Variants in PPP1R16B observed in about 807,000 individuals in gnomAD.
The protein encoded by PPP1R16B is protein phosphatase 1 regulatory inhibitor subunit 16B.
In PPP1R16B, 14 loss-of-function variants were observed where a neutral mutation model predicts 61.7. The observed-to-expected ratio is 0.23, with a 90% CI of 0.15 to 0.35. The LOEUF is 0.35. PPP1R16B is among the 10% of genes least tolerant of loss of function. The pLI is 1.00. For missense variants in PPP1R16B, 547 were observed against 752.5 expected (o/e 0.73, Z 3.19); for synonymous variants, 266 against 305.3 (o/e 0.87, Z 1.34).
In PPP1R16B at chr20:38,918,569, A is replaced by G; in HGVS notation, c.1607A>G (p.Tyr536Cys). ...TACAGCAGCAATGGGACCTCGGTAT[A>G]TTACACGGTCACCAGCGGAGATCCC... ...SPYSSNGTSV[Y>C]YTVTSGDPPL... Residue 536 changes from tyrosine to cysteine, a missense_variant, in exon 11 of 11, where the codon TAT (tyrosine) becomes TGT (cysteine). Tyr to Cys is a radical substitution (Grantham distance 194). Transcript: ENST00000299824. The surrounding 1 kb of genome is among the most constrained non-coding windows in gnomAD (Gnocchi z 5.3). 6.5e-7 allele frequency: 1 copy of G among 1,548,048 alleles called. No homozygotes were observed. The highest frequency in any genetic ancestry group is 8.7e-7 in the Non-Finnish European group (1 of 1,147,558).
chr20:38,840,627 G>A (rs2084903630), intron 2 of PPP1R16B, among the ~76,000 whole-genome samples: 1 of 152,182 alleles, frequency 6.6e-6, no homozygotes, highest in Non-Finnish European at 1.5e-5. Context: ...TGATCTCTGG[G>A]GAGCCATCTG....
At chr20:38,890,906 G>A (rs1020292086) in intron 3 of PPP1R16B, among the ~76,000 whole-genome samples, 1 of 152,168 alleles carries the variant, frequency 6.6e-6, no homozygotes, top group African/African-American at 2.4e-5. Flanking sequence ...GTAAGCCCCA[G>A]GGGCAGGTCC....
Position 38,895,546 on chromosome 20 carries a change from GC to G in PPP1R16B, c.322-17del, listed in dbSNP as rs771589707. The G allele has an allele frequency of 1.2e-6, 2 of 1,612,370 alleles. No individual in the cohort carries two copies. Among genetic ancestry groups the G allele is most frequent in the African/African-American group, 2.7e-5 (2 of 74,888 alleles). On this transcript the variant is annotated intron_variant, in intron 3 of 10. Coordinates refer to ENST00000299824, the MANE Select transcript of PPP1R16B (RefSeq NM_015568.4). ...CAGTGCCCTGCCTGGAGCTGACTCTGCCTGTGTGTCTCTCCCAGTGCTGCAT... is the reference window on the plus strand; with the variant it reads ...CAGTGCCCTGCCTGGAGCTGACTCTGCTGTGTGTCTCTCCCAGTGCTGCAT...
rs1186057562 is a variant in PPP1R16B, at chr20:38,895,860, T to TC, written c.467+150_467+151insC. On this transcript the variant is annotated intron_variant, in intron 4 of 10. Coordinates refer to ENST00000299824, the MANE Select transcript of PPP1R16B (RefSeq NM_015568.4). ...TCCTCCCTTCCTCCTTCCTTCTTTC[T>TC]TCCCTCCCTCCCTCCTTCCTTCTTT... The TC allele has an allele frequency of 1.2e-3, 810 of 653,398 alleles. 8 individuals carry two copies. Among genetic ancestry groups the TC allele is most frequent in the Middle Eastern group, 4.9e-3 (10 of 2,056 alleles). 40.5% of individuals were successfully genotyped at this position (653,398 alleles called of 1,614,324 possible). A position where few individuals can be genotyped will look rare whatever the true frequency, so the allele number is the denominator to read the frequency against.
intron 2 of PPP1R16B, among the ~76,000 whole-genome samples, chr20:38,873,290 G>T (rs2085142631): frequency 6.6e-6 from 1 of 152,154 alleles, no homozygotes; most frequent in African/African-American, 2.4e-5. Flanking sequence ...TGAGGGGGAG[G>T]TTGGGTTCTG....
chr20:38,865,683 G>A (rs75666262), intron 2 of PPP1R16B, among the ~76,000 whole-genome samples: 9,282 of 152,254 alleles, frequency 0.061, 294 homozygotes, highest in Non-Finnish European at 0.063. Flanking sequence ...CAGAGGTGCC[G>A]AGGGGTTGTC....
chr20:38,820,523 A>T (rs1601234604), intron 1 of PPP1R16B, among the ~76,000 whole-genome samples: 1 of 151,432 alleles, frequency 6.6e-6, no homozygotes, highest in Non-Finnish European at 1.5e-5. Context: ...GTGCCATTGC[A>T]CTCCAGCCTG....
At chr20:38,840,833 G>A (rs552945224) in intron 2 of PPP1R16B, among the ~76,000 whole-genome samples, 5 of 152,260 alleles carry the variant, frequency 3.3e-5, no homozygotes, top group East Asian at 3.9e-4. Flanking sequence ...TCTCCCCATC[G>A]GTAAAAATGA....
In PPP1R16B at chr20:38,870,331, A is replaced by G. The variant is rs550112805; in HGVS notation, c.251-19264A>G. Reference sequence around the variant, plus strand: ...CCTGTCCTTGTAGGGTTTATAAACTATAGGGGGAAACTACAAGTCCACATA... The same window carrying G: ...CCTGTCCTTGTAGGGTTTATAAACTGTAGGGGGAAACTACAAGTCCACATA... On this transcript the variant is annotated intron_variant, in intron 2 of 10. Coordinates refer to ENST00000299824, the MANE Select transcript of PPP1R16B (RefSeq NM_015568.4). 2.6e-5 allele frequency among the ~76,000 whole-genome samples: 4 copies of G among 152,290 alleles called. 1 individual carries two copies. The South Asian group carries it at 8.3e-4, about 32-fold the overall frequency.
chr20:38,885,631 C>T (rs369046104), intron 2 of PPP1R16B, among the ~76,000 whole-genome samples: 36 of 152,326 alleles, frequency 2.4e-4, no homozygotes, highest in East Asian at 1.5e-3. Flanking sequence ...AATTTGGCCA[C>T]ATGTGACTAA....
intron 1 of PPP1R16B, among the ~76,000 whole-genome samples, chr20:38,833,125 G>T (rs1305963500): frequency 6.6e-6 from 1 of 152,192 alleles, no homozygotes; most frequent in Non-Finnish European, 1.5e-5. Context: ...CCAGCAACAA[G>T]AAGAAACGCA....
At chr20:38,859,971 T>C (rs1307820094) in intron 2 of PPP1R16B, among the ~76,000 whole-genome samples, 1 of 152,084 alleles carries the variant, frequency 6.6e-6, no homozygotes, top group African/African-American at 2.4e-5. Context: ...ATCTTTTACA[T>C]TTATTTATTT....
chr20:38,909,489 A>G (rs1394028158), intron 10 of PPP1R16B, among the ~76,000 whole-genome samples: 1 of 152,234 alleles, frequency 6.6e-6, no homozygotes, highest in Non-Finnish European at 1.5e-5. Flanking sequence ...CTCACTCAGC[A>G]TGGCTGCTTT....
intron 10 of PPP1R16B, among the ~76,000 whole-genome samples, chr20:38,913,868 G>A (rs1568687036): frequency 2.0e-5 from 3 of 152,164 alleles, no homozygotes; most frequent in Non-Finnish European, 2.9e-5. Flanking sequence ...GGATCCTGTG[G>A]GGAGGGGAGC....
At chr20:38,812,774 G>T (rs562400562) in intron 1 of PPP1R16B, among the ~76,000 whole-genome samples, 2 of 152,310 alleles carry the variant, frequency 1.3e-5, no homozygotes, top group East Asian at 3.9e-4. Context: ...GTCTCTGTAG[G>T]AGTTTGAAGG....
intron 6 of PPP1R16B, among the ~76,000 whole-genome samples, chr20:38,903,700 A>G (rs1418442673): frequency 1.3e-5 from 2 of 152,166 alleles, no homozygotes; most frequent in African/African-American, 4.8e-5. Context: ...GACCCTGGAG[A>G]CAGAGAACAA....
At chr20:38,854,026 A>C (rs2084986583) in intron 2 of PPP1R16B, among the ~76,000 whole-genome samples, 1 of 152,280 alleles carries the variant, frequency 6.6e-6, no homozygotes, top group Admixed American at 6.5e-5. Context: ...GGCATGATTC[A>C]TTGGGGGCCA....
At chr20:38,818,069 G>T (rs190080447) in intron 1 of PPP1R16B, among the ~76,000 whole-genome samples, 1 of 152,282 alleles carries the variant, frequency 6.6e-6, no homozygotes, top group East Asian at 1.9e-4. Flanking sequence ...CAAAAACAGC[G>T]TGTGTGAAAG....
In PPP1R16B at chr20:38,918,572, A is replaced by G; in HGVS notation, c.1610A>G (p.Tyr537Cys). 2 of 1,545,880 alleles carry G rather than the reference A, an allele frequency of 1.3e-6. No homozygotes were observed. ...AGCAGCAATGGGACCTCGGTATATT[A>G]CACGGTCACCAGCGGAGATCCCCCA... ...PYSSNGTSVY[Y>C]TVTSGDPPLL... The change falls in exon 11 of 11, where the codon TAC (tyrosine) becomes TGC (cysteine). Residue 537 changes from tyrosine to cysteine, a missense_variant. Coordinates refer to ENST00000299824, the MANE Select transcript of PPP1R16B (RefSeq NM_015568.4). This position sits in a 1 kb window ranked among gnomAD's most constrained non-coding sequence, Gnocchi z 5.3.
Sources: allele counts gnomAD v4.1 joint callset (sites outside exome capture counted in the v4.1 genomes callset), GRCh38; gene constraint gnomAD v4.1.1; non-coding constraint Gnocchi (gnomAD v3.1); transcripts MANE v1.5; gene names NCBI Gene and HGNC (gene_info 2026-07-23, HGNC 2026-07-21).